Variants in DAB1 observed in about 807,000 individuals in gnomAD.
DAB1 encodes disabled homolog 1.
Under a neutral mutation model 64.6 loss-of-function variants are expected in DAB1, and 15 were observed. That is an observed-to-expected ratio of 0.23 (90% CI 0.16 to 0.36). DAB1 has a LOEUF of 0.36. Ranked by LOEUF, DAB1 falls within the 10% of genes least tolerant of loss-of-function variation. The probability of loss-of-function intolerance (pLI) is 1.00; values close to 1 mark genes in which losing one functional copy is unlikely to be tolerated. For missense variants in DAB1, 596 were observed against 706.7 expected, an observed-to-expected ratio of 0.84 and a Z score of 1.78; for synonymous variants, 235 against 251.9, an observed-to-expected ratio of 0.93 and a Z score of 0.64.
chr1:57,198,574 G>C (rs764985145), intron 2 of DAB1, among the ~76,000 whole-genome samples: 1 of 149,560 alleles, frequency 6.7e-6, no homozygotes, highest in Non-Finnish European at 1.5e-5. Flanking sequence ...TCTCTACCTG[G>C]AATGCCCCCC....
chr1:58,440,494 G>A (rs1027874445), intron 3 of DAB1, among the ~76,000 whole-genome samples: 3 of 152,234 alleles, frequency 2.0e-5, no homozygotes, highest in Non-Finnish European at 4.4e-5. Flanking sequence ...AAGGAACTTT[G>A]AAAGTGAATT....
chr1:57,994,995 G>C (rs371811904), intron 5 of DAB1, among the ~76,000 whole-genome samples: 7 of 152,314 alleles, frequency 4.6e-5, no homozygotes, highest in Admixed American at 3.3e-4. Context: ...GTGTGGTACA[G>C]CCGAAAGAAC....
At chr1:58,010,591 TC>T (rs1323768880) in intron 5 of DAB1, among the ~76,000 whole-genome samples, 3 of 152,192 alleles carry the variant, frequency 2.0e-5, no homozygotes. Context: ...CATGTTAATT[TC>T]CCAATATCCC....
At chr1:57,399,086 G>A (rs1291980144) in intron 1 of DAB1, among the ~76,000 whole-genome samples, 7 of 151,598 alleles carry the variant, frequency 4.6e-5, no homozygotes, top group Non-Finnish European at 7.3e-5. Flanking sequence ...ATAAGCCAGA[G>A]TTGAGGAACT....
intron 5 of DAB1, among the ~76,000 whole-genome samples, chr1:58,124,757 T>C (rs1044105145): frequency 2.6e-5 from 4 of 152,236 alleles, no homozygotes; most frequent in African/African-American, 9.6e-5. Context: ...TTTGCATTTC[T>C]GAGCCTTATT....
At chr1:57,993,913 C>A (rs1646385408) in intron 5 of DAB1, among the ~76,000 whole-genome samples, 1 of 152,192 alleles carries the variant, frequency 6.6e-6, no homozygotes, top group Admixed American at 6.5e-5. Flanking sequence ...GGAGGTCCTA[C>A]AATGTGCCAG....
At chr1:58,002,285 T>A (rs1369481702) in intron 5 of DAB1, among the ~76,000 whole-genome samples, 1 of 152,238 alleles carries the variant, frequency 6.6e-6, no homozygotes, top group Non-Finnish European at 1.5e-5. Context: ...CCTTAACTGA[T>A]GAATTGGCAG....
chr1:58,187,723 G>A (rs1194978918), intron 4 of DAB1, among the ~76,000 whole-genome samples: 1 of 148,316 alleles, frequency 6.7e-6, no homozygotes, highest in African/African-American at 2.5e-5. Flanking sequence ...GTGATTACAG[G>A]TGTGCACCAC....
intron 3 of DAB1, among the ~76,000 whole-genome samples, chr1:58,475,118 G>C (rs369210398): frequency 1.3e-5 from 2 of 152,168 alleles, no homozygotes; most frequent in East Asian, 3.8e-4. Flanking sequence ...GCACTCTCCA[G>C]ACAAGAGCCG....
At chr1:58,048,476 C>A in intron 5 of DAB1, 2 of 1,265,230 alleles carry the variant, frequency 1.6e-6, no homozygotes, top group Admixed American at 1.7e-5. Flanking sequence ...GTTTCCATAA[C>A]CCTGTCCACC....
intron 3 of DAB1, among the ~76,000 whole-genome samples, chr1:58,403,928 C>T (rs537677768): frequency 2.6e-5 from 4 of 152,168 alleles, no homozygotes; most frequent in African/African-American, 9.7e-5. Context: ...AAGCTGTGAA[C>T]AGAATAGTAG....
chr1:57,468,120 T>C lies in DAB1; in HGVS notation n.626-176954A>G, dbSNP rs17115839. Among the ~76,000 whole-genome samples, 1,042 of 152,328 alleles carry C rather than the reference T, an allele frequency of 6.8e-3. 12 individuals are homozygous for C. The highest frequency in any genetic ancestry group is 0.024 in the African/African-American group (1,006 of 41,576). On this transcript the variant is annotated intron_variant and non_coding_transcript_variant, in intron 7 of 20. Transcript: ENST00000485760. ...TGTGTCAGATTCCCATGAAAGACTG[T>C]GCGTTTCTCAGAGACCAAACTACAT...
In DAB1 at chr1:57,992,981, C is replaced by T. The variant is rs191089698; in HGVS notation, n.388-108819G>A. Among the ~76,000 whole-genome samples, 7 of 152,184 alleles carry T rather than the reference C, an allele frequency of 4.6e-5. No individual in the cohort carries two copies. In the East Asian group the frequency reaches 1.4e-3, roughly 29 times the overall value. ...TTCCTTCATCACCAACTCCGCACAG[C>T]TATGTAAATCTCAGTACACCTTTTT... On this transcript the variant is annotated intron_variant and non_coding_transcript_variant, in intron 5 of 20. Coordinates refer to the DAB1 transcript ENST00000485760.
intron 7 of DAB1, among the ~76,000 whole-genome samples, chr1:57,483,126 A>G (rs1295725296): frequency 6.6e-6 from 1 of 152,254 alleles, no homozygotes; most frequent in Non-Finnish European, 1.5e-5. Context: ...GCAAGGAAAT[A>G]TGCCAAAATG....
intron 5 of DAB1, among the ~76,000 whole-genome samples, chr1:57,939,283 A>C (rs2102048979): frequency 6.6e-6 from 1 of 152,206 alleles, no homozygotes; most frequent in African/African-American, 2.4e-5. Flanking sequence ...TGACTCAATT[A>C]TGTCCCCAAA....
chr1:58,248,295 G>C (rs1048931436), intron 4 of DAB1, among the ~76,000 whole-genome samples: 1 of 152,094 alleles, frequency 6.6e-6, no homozygotes, highest in African/African-American at 2.4e-5. Context: ...CTGTCACATT[G>C]CATGTACTGC....
chr1:57,189,882 G>T lies in DAB1; in HGVS notation c.68-44453C>A, dbSNP rs987472143. Among the ~76,000 whole-genome samples, 26 of 151,710 alleles carry T rather than the reference G, an allele frequency of 1.7e-4. 1 individual carries two copies. Among genetic ancestry groups the T allele is most frequent in the Non-Finnish European group, 3.4e-4 (23 of 67,946 alleles). ...AAAACACAACAGAAAACAACCATAAGGGTCTGTCATGGCCCAAGAGCTCCT... is the reference window on the plus strand; with the variant it reads ...AAAACACAACAGAAAACAACCATAATGGTCTGTCATGGCCCAAGAGCTCCT... On this transcript the variant is annotated intron_variant, in intron 2 of 14. Coordinates refer to ENST00000371236, the MANE Select transcript of DAB1 (RefSeq NM_001365792.1).
chr1:57,084,724 C>A (rs568980710), intron 4 of DAB1, among the ~76,000 whole-genome samples: 10 of 152,104 alleles, frequency 6.6e-5, no homozygotes, highest in Middle Eastern at 3.4e-3. Flanking sequence ...GAATAACAAA[C>A]CTTTTTGTTT....
At chr1:58,346,610 A>C (rs987500551) in intron 3 of DAB1, among the ~76,000 whole-genome samples, 5 of 152,216 alleles carry the variant, frequency 3.3e-5, no homozygotes, top group African/African-American at 1.2e-4. Flanking sequence ...TTAATCATGA[A>C]GTATCTATAA....
Sources: gnomAD v4.1 joint callset for allele counts (sites outside exome capture counted in the v4.1 genomes callset) on GRCh38, gnomAD v4.1.1 for gene constraint, MANE v1.5 for transcripts, NCBI Gene and HGNC (gene_info 2026-07-23, HGNC 2026-07-21) for gene names.